NRXN1: variants seen among roughly 807,000 people sequenced by gnomAD.
The protein encoded by NRXN1 is neurexin-1.
A neutral mutation model predicts 150.9 loss-of-function variants in NRXN1; 39 were observed. The observed-to-expected ratio is 0.26, with a 90% CI of 0.20 to 0.34. NRXN1 has a LOEUF of 0.34. Among genes scored for constraint, NRXN1 ranks in the 10% least tolerant of loss-of-function variants. The pLI, the probability that NRXN1 is intolerant of heterozygous loss-of-function variation, is 1.00. For missense variants in NRXN1, 1,815 were observed against 1,949.9 expected, an observed-to-expected ratio of 0.93 and a Z score of 1.30; for synonymous variants, 924 against 757.0, an observed-to-expected ratio of 1.22 and a Z score of -3.62.
At chr2:50,580,179 G>A (rs967954240) in intron 8 of NRXN1, among the ~76,000 whole-genome samples, 2 of 152,052 alleles carry the variant, frequency 1.3e-5, no homozygotes, top group South Asian at 2.1e-4. Context: ...TATTTTAAAA[G>A]AAAACAGAAG....
intron 8 of NRXN1, among the ~76,000 whole-genome samples, chr2:50,586,070 T>C (rs1208991578): frequency 6.6e-6 from 1 of 152,336 alleles, no homozygotes; most frequent in East Asian, 1.9e-4. Context: ...ACTCCCACTC[T>C]TACCTCGCTG....
chr2:49,921,836 TGTC>T lies in NRXN1; in HGVS notation c.*105_*107del. ...GTCTTTCCTTCCTGATTGCATTCCC[TGTC>T]TTCTTTTGTATGTGCTTCATAAAAA... On this transcript the variant is annotated 3_prime_UTR_variant, in exon 23 of 23. Transcript: ENST00000401669. The T allele has an allele frequency of 9.2e-7, 1 of 1,088,634 alleles. No homozygotes were observed. Among genetic ancestry groups the T allele is most frequent in the Non-Finnish European group, 1.3e-6 (1 of 750,452 alleles). 67.4% of individuals were successfully genotyped at this position (1,088,634 alleles called of 1,614,324 possible).
intron 21 of NRXN1, among the ~76,000 whole-genome samples, chr2:49,985,963 A>G (rs1245947658): frequency 3.9e-5 from 6 of 152,238 alleles, no homozygotes; most frequent in Non-Finnish European, 8.8e-5. Flanking sequence ...AAGGAAATGT[A>G]CTTCATTTGT....
rs1442889013 is a variant in NRXN1 at position 50,717,397 on chromosome 2, T to G, written c.833-93782A>C. ...ACAATTATTAATGCAGATTGCCAGG[T>G]TGGGTTTCTGTTCTAGTTGGAACAA... On this transcript the variant is annotated intron_variant, in intron 5 of 22. Transcript: ENST00000401669. Among the ~76,000 whole-genome samples the G allele has an allele frequency of 2.0e-5, 3 of 152,106 alleles. No homozygotes were observed. The East Asian group carries it at 5.8e-4, about 29-fold the overall frequency.
chr2:50,732,745 T>C (rs1484664096), intron 5 of NRXN1, among the ~76,000 whole-genome samples: 4 of 152,170 alleles, frequency 2.6e-5, no homozygotes, highest in African/African-American at 9.6e-5. Context: ...TTGTTCCTTG[T>C]TGTCCACCAC....
At chr2:50,754,933 A>C (rs917929510) in intron 5 of NRXN1, among the ~76,000 whole-genome samples, 1 of 151,912 alleles carries the variant, frequency 6.6e-6, no homozygotes, top group Non-Finnish European at 1.5e-5. Flanking sequence ...TCATTTCACA[A>C]GTTGGTTCAA....
intron 5 of NRXN1, among the ~76,000 whole-genome samples, chr2:50,868,615 T>C (rs1385330746): frequency 6.6e-6 from 1 of 151,860 alleles, no homozygotes; most frequent in East Asian, 1.9e-4. Flanking sequence ...ACAAGTTCTA[T>C]ACATAAGCAT....
At chr2:50,797,733 A>C (rs911198407) in intron 5 of NRXN1, among the ~76,000 whole-genome samples, 3 of 152,198 alleles carry the variant, frequency 2.0e-5, no homozygotes, top group Non-Finnish European at 4.4e-5. Context: ...TTTCAATGTC[A>C]GATACAGAGC....
At position 50,333,301 on chromosome 2, in the gene NRXN1, C is replaced by T. The variant is rs796741438; in HGVS notation, c.3365-96331G>A. Among the ~76,000 whole-genome samples the T allele has an allele frequency of 3.1e-4, 47 of 152,272 alleles. 1 individual carries two copies. The highest frequency in any genetic ancestry group is 9.6e-4 in the African/African-American group (40 of 41,562). Reference sequence around the variant, plus strand: ...CAGGCCAATTAAAGTGACCGGGCTGCAACGTTGCCCTACCTGCAAAATGGG... The same window carrying T: ...CAGGCCAATTAAAGTGACCGGGCTGTAACGTTGCCCTACCTGCAAAATGGG... On this transcript the variant is annotated intron_variant, in intron 17 of 22. Coordinates refer to ENST00000401669, the MANE Select transcript of NRXN1 (RefSeq NM_001330078.2).
At chr2:50,842,021 T>C (rs1672952281) in intron 5 of NRXN1, among the ~76,000 whole-genome samples, 1 of 152,186 alleles carries the variant, frequency 6.6e-6, no homozygotes, top group South Asian at 2.1e-4. Context: ...TAATATCAAA[T>C]AACTAGCTTG....
At chr2:49,978,998 G>A (rs2152504947) in intron 21 of NRXN1, among the ~76,000 whole-genome samples, 1 of 152,186 alleles carries the variant, frequency 6.6e-6, no homozygotes, top group African/African-American at 2.4e-5. Flanking sequence ...AACAACCAGG[G>A]TAAGACTTAG....
At chr2:50,794,341 G>A (rs1030729936) in intron 5 of NRXN1, among the ~76,000 whole-genome samples, 1 of 152,042 alleles carries the variant, frequency 6.6e-6, no homozygotes, top group Admixed American at 6.6e-5. Context: ...TAACAGTGAG[G>A]ACATGTTATG....
chr2:50,203,034 G>T (rs1322833806), intron 18 of NRXN1, among the ~76,000 whole-genome samples: 2 of 152,070 alleles, frequency 1.3e-5, no homozygotes, highest in Non-Finnish European at 2.9e-5. Flanking sequence ...CGGTAAAAAA[G>T]ATCTCCTGAA....
rs190195076 is a variant in NRXN1, at chr2:50,896,337, G to A, written c.832+25532C>T. Among the ~76,000 whole-genome samples, 4 of 152,158 alleles carry A rather than the reference G, an allele frequency of 2.6e-5. No individual in the cohort carries two copies. In the South Asian group the frequency reaches 8.3e-4, roughly 31 times the overall value. On this transcript the variant is annotated intron_variant, in intron 5 of 22. Coordinates refer to ENST00000401669, the MANE Select transcript of NRXN1 (RefSeq NM_001330078.2). ...TACTATGTGTAAGATACTGTCCCAG[G>A]CATTTGGGATAAATCAGATAACAGC...
intron 17 of NRXN1, among the ~76,000 whole-genome samples, chr2:50,449,895 T>C (rs2086803471): frequency 6.6e-6 from 1 of 152,150 alleles, no homozygotes; most frequent in Non-Finnish European, 1.5e-5. Flanking sequence ...CCCTGCAAGA[T>C]CTGTAATTGT....
intron 5 of NRXN1, among the ~76,000 whole-genome samples, chr2:50,689,310 C>A (rs1691714724): frequency 6.6e-6 from 1 of 151,964 alleles, no homozygotes; most frequent in Admixed American, 6.6e-5. Context: ...TTTTAGAATT[C>A]CATCGCCCTC....
chr2:50,498,497 A>T (rs1175016398), intron 13 of NRXN1, among the ~76,000 whole-genome samples: 1 of 152,180 alleles, frequency 6.6e-6, no homozygotes, highest in Admixed American at 6.5e-5. Flanking sequence ...CCACAAGGCA[A>T]AAATCTTCTT....
intron 17 of NRXN1, among the ~76,000 whole-genome samples, chr2:50,342,291 G>T (rs1429331432): frequency 6.6e-6 from 1 of 152,174 alleles, no homozygotes; most frequent in African/African-American, 2.4e-5. Flanking sequence ...ATAGTAGCTG[G>T]CCATCTTGTT....
In NRXN1 at chr2:50,694,384, G is replaced by C. The variant is rs936649736; in HGVS notation, c.833-70769C>G. On this transcript the variant is annotated intron_variant, in intron 5 of 22. Transcript: ENST00000401669. The stretch of plus-strand genomic sequence containing the variant: ...TTAATGTATGGGTGAATATATAATA[G>C]TTGGAATTAAACCATAAATCAGTCA... Among the ~76,000 whole-genome samples, 5 of 152,052 alleles carry C rather than the reference G, an allele frequency of 3.3e-5. No individual in the cohort carries two copies. In the South Asian group the frequency reaches 1.0e-3, roughly 32 times the overall value.
Sources: gnomAD v4.1 joint callset for allele counts (sites outside exome capture counted in the v4.1 genomes callset) on GRCh38, gnomAD v4.1.1 for gene constraint, MANE v1.5 for transcripts, NCBI Gene and HGNC (gene_info 2026-07-23, HGNC 2026-07-21) for gene names.